The following GNAT3 variants were observed in gnomAD, a reference collection of about 807,000 sequenced individuals.
GNAT3 encodes G protein subunit alpha transducin 3, also known as guanine nucleotide-binding protein G(t) subunit alpha-3.
In GNAT3, 31 loss-of-function variants were observed where a neutral mutation model predicts 37.7. That is an observed-to-expected ratio of 0.82 (90% CI 0.62 to 1.11). The LOEUF (loss-of-function observed/expected upper bound fraction) is 1.11. GNAT3 is among the 50% of genes most tolerant of loss of function. The pLI is 0.00. For missense variants in GNAT3, 437 were observed against 412.5 expected, an observed-to-expected ratio of 1.06 and a Z score of -0.51; for synonymous variants, 138 against 139.8, an observed-to-expected ratio of 0.99 and a Z score of 0.09.
chr7:80,496,853 CTTT>C (rs34567388), intron 1 of GNAT3, among the ~76,000 whole-genome samples: 1 of 136,960 alleles, frequency 7.3e-6, no homozygotes, highest in African/African-American at 2.7e-5. Flanking sequence ...GACAACTTTT[CTTT>C]TTTTTTTTTT....
chr7:80,476,088 CAAAA>C (rs748085814), intron 4 of GNAT3, among the ~76,000 whole-genome samples: 6 of 150,610 alleles, frequency 4.0e-5, no homozygotes, highest in Non-Finnish European at 8.9e-5. Flanking sequence ...AAAAAGAAAA[CAAAA>C]AAAACCCAAA....
At position 80,511,657 on chromosome 7, in the gene GNAT3, A is replaced by T. The variant is rs538474935; in HGVS notation, c.118+152T>A. Among the ~76,000 whole-genome samples, 267 of 152,266 alleles carry T rather than the reference A, an allele frequency of 1.8e-3. 1 individual carries two copies. Among genetic ancestry groups the T allele is most frequent in the Middle Eastern group, 0.01 (3 of 294 alleles). On this transcript the variant is annotated intron_variant, in intron 1 of 7. Coordinates refer to ENST00000398291, the MANE Select transcript of GNAT3 (RefSeq NM_001102386.3). ...CAGAAAAATTATTAAATATTGATAG[A>T]GTACAAATAAATTTTCCTTAAGTTT...
intron 4 of GNAT3, among the ~76,000 whole-genome samples, chr7:80,475,732 A>C (rs1166653215): frequency 6.6e-6 from 1 of 152,278 alleles, no homozygotes; most frequent in Admixed American, 6.5e-5. Flanking sequence ...CATTATTAAT[A>C]TAGGTAATTT....
intron 5 of GNAT3, among the ~76,000 whole-genome samples, chr7:80,465,932 T>C (rs985186486): frequency 6.6e-6 from 1 of 152,142 alleles, no homozygotes; most frequent in Non-Finnish European, 1.5e-5. Context: ...GATTAACTTA[T>C]GGATTTGGGG....
intron 3 of GNAT3, among the ~76,000 whole-genome samples, chr7:80,482,851 C>A (rs911503898): frequency 1.3e-5 from 2 of 151,750 alleles, no homozygotes; most frequent in Non-Finnish European, 2.9e-5. Context: ...AAAAAATATT[C>A]TATTTTTAAT....
chr7:80,481,435 G>T (rs1790390958), intron 3 of GNAT3, among the ~76,000 whole-genome samples: 1 of 152,052 alleles, frequency 6.6e-6, no homozygotes, highest in African/African-American at 2.4e-5. Context: ...TAACTCACCC[G>T]CATTAACATT....
At chr7:80,461,407 G>T (rs1790047554) in intron 7 of GNAT3, among the ~76,000 whole-genome samples, 1 of 151,976 alleles carries the variant, frequency 6.6e-6, no homozygotes. Context: ...AAATTAACTG[G>T]GTGTTGTGGC....
At chr7:80,495,126 C>G (rs1486089756) in intron 1 of GNAT3, among the ~76,000 whole-genome samples, 2 of 151,750 alleles carry the variant, frequency 1.3e-5, no homozygotes, top group African/African-American at 2.4e-5. Flanking sequence ...TTTCTCTGTC[C>G]AATTTTCCAT....
intron 3 of GNAT3, among the ~76,000 whole-genome samples, chr7:80,479,660 G>C (rs1768765040): frequency 7.3e-6 from 1 of 137,476 alleles, no homozygotes; most frequent in South Asian, 2.2e-4. Context: ...GCAGTGGGCA[G>C]AGATTGCACC....
intron 5 of GNAT3, among the ~76,000 whole-genome samples, chr7:80,467,667 G>A (rs1396789183): frequency 2.6e-5 from 4 of 151,994 alleles, no homozygotes; most frequent in African/African-American, 9.7e-5. Flanking sequence ...TTGGCCGAAG[G>A]AATATTCTCC....
At chr7:80,468,075 G>A (rs1790154547) in intron 5 of GNAT3, among the ~76,000 whole-genome samples, 2 of 151,976 alleles carry the variant, frequency 1.3e-5, no homozygotes, top group South Asian at 4.2e-4. Flanking sequence ...AGGCTTTTAA[G>A]TGACAGTCGA....
chr7:80,461,294 TC>T lies in GNAT3; in HGVS notation c.874+864del, dbSNP rs1205924849. ...TGGGTGCAATGGCTCACACCTGTAA[TC>T]CCAGCACTTTGGGACGCCAAGGTGG... On this transcript the variant is annotated intron_variant, in intron 7 of 7. Coordinates refer to ENST00000398291, the MANE Select transcript of GNAT3 (RefSeq NM_001102386.3). Among the ~76,000 whole-genome samples, 6 of 152,214 alleles carry T rather than the reference TC, an allele frequency of 3.9e-5. No individual in the cohort carries two copies. The East Asian group carries it at 1.2e-3, about 29-fold the overall frequency.
chr7:80,496,593 G>A (rs1354927564), intron 1 of GNAT3, among the ~76,000 whole-genome samples: 2 of 152,154 alleles, frequency 1.3e-5, no homozygotes, highest in East Asian at 3.9e-4. Context: ...TCACTGCAAA[G>A]TAAATTTCAC....
intron 3 of GNAT3, among the ~76,000 whole-genome samples, chr7:80,483,610 C>T (rs1051214863): frequency 8.6e-5 from 13 of 151,770 alleles, no homozygotes; most frequent in African/African-American, 3.1e-4. Flanking sequence ...TGTTTTGATC[C>T]CCTCTTTCCC....
chr7:80,458,705 A>T lies in GNAT3; in HGVS notation c.1031T>A (p.Ile344Asn). ...FVFDAVTDII[I>N]KENLKDCGLF The stretch of plus-strand genomic sequence containing the variant: ...CCCACAGTCTTTTAGATTCTCTTTG[A>T]TTATTATATCTGTAACTGCGTCAAA... The change falls in exon 8 of 8, where the codon ATC becomes AAC. Residue 344 changes from isoleucine to asparagine, a missense_variant. Physicochemically the swap from Ile to Asn is moderately radical, Grantham distance 149 (BLOSUM62 -3). Transcript: ENST00000398291. The T allele has an allele frequency of 6.3e-7, 1 of 1,585,796 alleles. No individual in the cohort carries two copies. Among genetic ancestry groups the T allele is most frequent in the East Asian group, 2.3e-5 (1 of 44,274 alleles).
chr7:80,507,920 T>C (rs960975411), intron 1 of GNAT3, among the ~76,000 whole-genome samples: 6 of 151,992 alleles, frequency 3.9e-5, no homozygotes, highest in South Asian at 2.1e-4. Context: ...TTTTGATCTC[T>C]AGACTCCATC....
At chr7:80,467,970 T>C (rs945208693) in intron 5 of GNAT3, among the ~76,000 whole-genome samples, 4 of 152,010 alleles carry the variant, frequency 2.6e-5, no homozygotes, top group Non-Finnish European at 4.4e-5. Flanking sequence ...AGGGATAATA[T>C]GTATTTTGTT....
chr7:80,490,567 T>G (rs923523229), intron 2 of GNAT3, among the ~76,000 whole-genome samples: 16 of 152,108 alleles, frequency 1.1e-4, no homozygotes, highest in Non-Finnish European at 1.5e-4. Flanking sequence ...TATTCCTAGA[T>G]GGTCAAAAGG....
rs981739645 is a variant in GNAT3, at chr7:80,488,520, T to C, written c.303+15A>G. The C allele has an allele frequency of 1.9e-6, 3 of 1,594,616 alleles. No individual in the cohort carries two copies. Among genetic ancestry groups the C allele is most frequent in the Non-Finnish European group, 2.6e-6 (3 of 1,168,264 alleles). Reference sequence around the variant, plus strand: ...CTATTGCAGGACATACAGCTGTCATTATTTGCATACTTACTGCACTTCTGG... The same window carrying C: ...CTATTGCAGGACATACAGCTGTCATCATTTGCATACTTACTGCACTTCTGG... On this transcript the variant is annotated intron_variant, in intron 3 of 7. Coordinates refer to ENST00000398291, the MANE Select transcript of GNAT3 (RefSeq NM_001102386.3).
Sources: gnomAD v4.1 joint callset for allele counts (sites outside exome capture counted in the v4.1 genomes callset) on GRCh38, gnomAD v4.1.1 for gene constraint, MANE v1.5 for transcripts, NCBI Gene and HGNC (gene_info 2026-07-23, HGNC 2026-07-21) for gene names.